SLC15A2: variants seen among roughly 807,000 people sequenced by gnomAD.
SLC15A2 encodes kidney H(+)/peptide cotransporter.
A neutral mutation model predicts 95.5 loss-of-function variants in SLC15A2; 77 were observed. The observed-to-expected ratio is 0.81, with a 90% CI of 0.67 to 0.97. The LOEUF (loss-of-function observed/expected upper bound fraction) is 0.97, where lower values mean the gene tolerates loss of function less well. Among genes scored for constraint, SLC15A2 ranks in the 50% least tolerant of loss-of-function variants. SLC15A2 has a pLI of 0.00. For synonymous variants in SLC15A2, 306 were observed against 306.9 expected, an observed-to-expected ratio of 1.00 and a Z score of 0.03; for missense variants, 893 against 874.4, an observed-to-expected ratio of 1.02 and a Z score of -0.27.
At chr3:121,934,785 A>G (rs1385085416) in intron 19 of SLC15A2, among the ~76,000 whole-genome samples, 2 of 152,176 alleles carry the variant, frequency 1.3e-5, no homozygotes, top group East Asian at 3.8e-4. Flanking sequence ...CCCTGGCCAG[A>G]ACTTCCAACA....
intron 1 of SLC15A2, among the ~76,000 whole-genome samples, chr3:121,894,914 T>C (rs531860283): frequency 1.3e-5 from 2 of 152,328 alleles, no homozygotes; most frequent in Non-Finnish European, 2.9e-5. Flanking sequence ...GTGATTGTTC[T>C]TTCTTTACCA....
chr3:121,915,003 G>A, intron 5 of SLC15A2: 2 of 1,308,160 alleles, frequency 1.5e-6, no homozygotes, highest in Non-Finnish European at 1.9e-6. Context: ...TATGAAAAGG[G>A]AGGAAAAGAA....
At chr3:121,920,724 T>C (rs1214450492) in intron 7 of SLC15A2, among the ~76,000 whole-genome samples, 1 of 152,110 alleles carries the variant, frequency 6.6e-6, no homozygotes, top group African/African-American at 2.4e-5. Flanking sequence ...TTTGGGGAAA[T>C]TGAGAGGATG....
intron 19 of SLC15A2, among the ~76,000 whole-genome samples, chr3:121,933,461 A>G (rs1350297990): frequency 1.3e-5 from 2 of 150,792 alleles, no homozygotes; most frequent in East Asian, 2.0e-4. Flanking sequence ...ATTCTAACTG[A>G]TGTGAGATGG....
chr3:121,933,795 T>G (rs1176001762), intron 19 of SLC15A2, among the ~76,000 whole-genome samples: 164 of 149,512 alleles, frequency 1.1e-3, no homozygotes, highest in South Asian at 4.2e-3. Context: ...TTTTGGCTTT[T>G]GTTGCCATTG....
At chr3:121,895,593 TA>T (rs1268923558) in intron 1 of SLC15A2, among the ~76,000 whole-genome samples, 16 of 152,234 alleles carry the variant, frequency 1.1e-4, no homozygotes, top group Non-Finnish European at 1.6e-4. Flanking sequence ...TGAGGCAATA[TA>T]AATCTTACAA....
chr3:121,939,458 T>C lies in SLC15A2; in HGVS notation c.1871T>C (p.Met624Thr). The C allele has an allele frequency of 6.5e-7, 1 of 1,538,624 alleles. No individual in the cohort carries two copies. Among genetic ancestry groups the C allele is most frequent in the Non-Finnish European group, 8.7e-7 (1 of 1,145,298 alleles). ...QYALVTAGEV[M>T]FSVTGLEFSY... ...GCCCTGGTTACAGCTGGGGAGGTCATGTTCTCTGTCACAGGTCTTGAGTTT... is the reference window on the plus strand; with the variant it reads ...GCCCTGGTTACAGCTGGGGAGGTCACGTTCTCTGTCACAGGTCTTGAGTTT... Residue 624 changes from methionine (M) to threonine (T), a missense_variant, in exon 20 of 22, where the codon ATG (methionine) becomes ACG (threonine). Met to Thr is a moderately conservative substitution (Grantham distance 81). Transcript: ENST00000489711.
At position 121,941,115 on chromosome 3, in the gene SLC15A2, C is replaced by T; in HGVS notation, c.*108C>T. 3.1e-6 allele frequency: 3 copies of T among 969,366 alleles called. No individual in the cohort carries two copies. In the South Asian group the frequency reaches 5.8e-5, roughly 19 times the overall value. 60.0% of individuals were successfully genotyped at this position (969,366 alleles called of 1,614,324 possible). ...GATAGCAGCATATCAGAGCTGATCT[C>T]CTCCACCTTTCTCCAATGACAGAAG... is the stretch of plus-strand genomic sequence containing the variant. On this transcript the variant is annotated 3_prime_UTR_variant, in exon 22 of 22. Coordinates refer to ENST00000489711, the MANE Select transcript of SLC15A2 (RefSeq NM_021082.4).
chr3:121,942,733 T>C lies in SLC15A2; in HGVS notation c.*1726T>C, dbSNP rs780352121. 20 of 152,214 alleles carry C rather than the reference T, an allele frequency of 1.3e-4. No homozygotes were observed. The highest frequency in any genetic ancestry group is 2.4e-4 in the Non-Finnish European group (16 of 68,030). The allele number at this position is 152,214 out of a possible 1,614,324, so 9.4% of individuals were successfully genotyped here. ...ATTAACACAGTTCTGTAAATAGAAG[T>C]GTCTATGGACAAATAAGTTTGGGAA... On this transcript the variant is annotated 3_prime_UTR_variant, in exon 22 of 22. Transcript: ENST00000489711.
chr3:121,924,300 T>C (rs751043874), intron 11 of SLC15A2, 51 bp from the exon 12 acceptor site: 1 of 1,524,952 alleles, frequency 6.6e-7, no homozygotes, highest in South Asian at 1.1e-5. Flanking sequence ...GCCAACATTT[T>C]TTTTTCTTTT....
chr3:121,935,419 T>C (rs1710321400), intron 19 of SLC15A2, among the ~76,000 whole-genome samples: 2 of 152,242 alleles, frequency 1.3e-5, no homozygotes, highest in Admixed American at 6.5e-5. Context: ...TGGTAAGCTA[T>C]TGATTATTGC....
At chr3:121,897,029 A>C (rs2107564568) in intron 2 of SLC15A2, among the ~76,000 whole-genome samples, 1 of 151,012 alleles carries the variant, frequency 6.6e-6, no homozygotes. Flanking sequence ...ACAGGTATGA[A>C]GAATGGAATT....
chr3:121,924,228 A>G (rs1045302871), intron 11 of SLC15A2, 123 bp from the exon 12 acceptor site: 15 of 787,000 alleles, frequency 1.9e-5, no homozygotes, highest in Non-Finnish European at 3.3e-5. Flanking sequence ...CCTGAACCAA[A>G]GACCTGATGA....
At position 121,930,919 on chromosome 3, in the gene SLC15A2, G is replaced by A; in HGVS notation, c.1633G>A (p.Val545Met). ...TSLNVGEDYG[V>M]SAYRTVQRGE... ...TCTCAATGTTGGTGAAGACTATGGT[G>A]TGTCTGCTTATAGAACTGTGCAAAG... The change falls in exon 18 of 22, where the codon GTG becomes ATG. Residue 545 changes from valine (V) to methionine (M), a missense_variant. By Grantham distance (21) the Val-to-Met change is conservative (BLOSUM62 1). Transcript: ENST00000489711. The A allele has an allele frequency of 6.2e-7, 1 of 1,612,698 alleles. No individual in the cohort carries two copies. The highest frequency in any genetic ancestry group is 8.5e-7 in the Non-Finnish European group (1 of 1,178,674).
At chr3:121,932,022 C>A (rs1277678521) in intron 19 of SLC15A2, among the ~76,000 whole-genome samples, 1 of 152,134 alleles carries the variant, frequency 6.6e-6, no homozygotes, top group Non-Finnish European at 1.5e-5. Flanking sequence ...GCCTCAACCT[C>A]CCCGAGTATC....
At chr3:121,938,506 C>T (rs371698513) in intron 19 of SLC15A2, among the ~76,000 whole-genome samples, 139 of 151,944 alleles carry the variant, frequency 9.1e-4, no homozygotes, top group African/African-American at 2.7e-3. Context: ...CGCAGTATTC[C>T]GGTGGGAGTG....
intron 20 of SLC15A2, 83 bp downstream of exon 20, chr3:121,939,578 G>T: frequency 8.2e-7 from 1 of 1,226,016 alleles, no homozygotes; most frequent in Non-Finnish European, 1.1e-6. Context: ...ACTTAAATAG[G>T]TATGTTATCT....
At chr3:121,910,719 T>A (rs2107582210) in intron 3 of SLC15A2, among the ~76,000 whole-genome samples, 1 of 152,302 alleles carries the variant, frequency 6.6e-6, no homozygotes, top group East Asian at 1.9e-4. Flanking sequence ...TTCATTATAA[T>A]GCTAACATTC....
At chr3:121,914,901 A>C (rs980056427) in intron 5 of SLC15A2, 27 of 749,616 alleles carry the variant, frequency 3.6e-5, no homozygotes, top group Non-Finnish European at 4.5e-5. Flanking sequence ...TGAAATAAAA[A>C]ACCCAGACAT....
Sources: allele counts gnomAD v4.1 joint callset (sites outside exome capture counted in the v4.1 genomes callset), GRCh38; gene constraint gnomAD v4.1.1; transcripts MANE v1.5; gene names NCBI Gene and HGNC (gene_info 2026-07-23, HGNC 2026-07-21).